The following SORCS2 variants were observed in gnomAD, a reference collection of about 807,000 sequenced individuals.
SORCS2 encodes the protein sortilin related VPS10 domain containing receptor 2.
Under a neutral mutation model 141.6 loss-of-function variants are expected in SORCS2, and 100 were observed. The observed-to-expected ratio is 0.71, with a 90% confidence interval of 0.60 to 0.83. SORCS2 has a LOEUF of 0.83. SORCS2 is among the 40% of genes least tolerant of loss of function. The probability of loss-of-function intolerance (pLI) is 0.00; values close to 1 mark genes in which losing one functional copy is unlikely to be tolerated. For missense variants in SORCS2, 1,646 were observed against 1,560.2 expected (o/e 1.05, Z -0.93); for synonymous variants, 789 against 676.9 (o/e 1.17, Z -2.57).
intron 2 of SORCS2, among the ~76,000 whole-genome samples, chr4:7,411,811 G>C (rs1725340251): frequency 6.6e-6 from 1 of 152,148 alleles, no homozygotes. Context: ...CTACTCCATT[G>C]GAGCAGAGGA....
At chr4:7,614,490 C>T (rs115500077) in intron 3 of SORCS2, among the ~76,000 whole-genome samples, 4,440 of 151,142 alleles carry the variant, frequency 0.029, 113 homozygotes, top group Non-Finnish European at 0.044. Flanking sequence ...ACGCATCCAC[C>T]ATCCATTCAT....
At chr4:7,572,190 G>A (rs1715449167) in intron 3 of SORCS2, among the ~76,000 whole-genome samples, 3 of 152,314 alleles carry the variant, frequency 2.0e-5, no homozygotes, top group Middle Eastern at 3.4e-3. Flanking sequence ...CAAGACAATA[G>A]CACAGGGCGT....
intron 1 of SORCS2, among the ~76,000 whole-genome samples, chr4:7,356,314 A>C (rs1159847746): frequency 6.6e-6 from 1 of 152,222 alleles, no homozygotes; most frequent in African/African-American, 2.4e-5. Flanking sequence ...CTGTAACAGA[A>C]TATCACAGAC....
At chr4:7,590,525 T>A (rs184934350) in intron 3 of SORCS2, among the ~76,000 whole-genome samples, 22 of 152,250 alleles carry the variant, frequency 1.4e-4, no homozygotes, top group Admixed American at 1.0e-3. Flanking sequence ...GGCTGGGACG[T>A]TGGGTGTCAG....
intron 8 of SORCS2, among the ~76,000 whole-genome samples, chr4:7,670,936 C>G (rs1483217005): frequency 6.6e-6 from 1 of 152,226 alleles, no homozygotes; most frequent in Non-Finnish European, 1.5e-5. Context: ...TTGCAACCAC[C>G]ATGAGTTGAA....
chr4:7,599,335 C>T (rs923879908), intron 3 of SORCS2, among the ~76,000 whole-genome samples: 2 of 152,172 alleles, frequency 1.3e-5, no homozygotes, highest in South Asian at 2.1e-4. Context: ...CGGTGATCCA[C>T]GTGCCAGGCA....
In SORCS2 at chr4:7,725,232, T is replaced by G. The variant is rs1560115558; in HGVS notation, c.2690T>G (p.Leu897Arg). 1 of 1,613,656 alleles carries G rather than the reference T, an allele frequency of 6.2e-7. No homozygotes were observed. Among genetic ancestry groups the G allele is most frequent in the Non-Finnish European group, 8.5e-7 (1 of 1,179,672 alleles). Residue 897 changes from leucine to arginine, a missense_variant, in exon 20 of 27, where the codon CTT (leucine) becomes CGT (arginine). By Grantham distance (102) the Leu-to-Arg change is moderately radical. Transcript: ENST00000507866. The stretch of plus-strand genomic sequence containing the variant: ...GAGGTGAACCTCACAGCTGTGCTGC[T>G]TCCCTTGAACCCTAACCTCACCGTC... ...NQEVNLTAVL[L>R]PLNPNLTVFY...
At chr4:7,279,745 C>A (rs1283853480) in intron 1 of SORCS2, among the ~76,000 whole-genome samples, 24 of 152,152 alleles carry the variant, frequency 1.6e-4, no homozygotes, top group Non-Finnish European at 1.5e-5. Flanking sequence ...GCTGTGTTTG[C>A]AGAAACAGAC....
At chr4:7,290,964 C>G (rs1577360559) in intron 1 of SORCS2, among the ~76,000 whole-genome samples, 2 of 152,178 alleles carry the variant, frequency 1.3e-5, no homozygotes, top group East Asian at 3.9e-4. Flanking sequence ...ATTGCCCCAA[C>G]CTGATCACTC....
At chr4:7,381,955 TG>T in intron 1 of SORCS2, 1 of 986,046 alleles carries the variant, frequency 1.0e-6, no homozygotes, top group Non-Finnish European at 1.2e-6. Context: ...CTAGCCTCTC[TG>T]GGCCAGGCCT....
chr4:7,497,150 T>A (rs1731679169), intron 2 of SORCS2, among the ~76,000 whole-genome samples: 1 of 152,208 alleles, frequency 6.6e-6, no homozygotes, highest in African/African-American at 2.4e-5. Flanking sequence ...GCCTCAGGCT[T>A]GAGGATCCGC....
At chr4:7,387,782 A>G (rs1351116402) in intron 1 of SORCS2, among the ~76,000 whole-genome samples, 2 of 150,816 alleles carry the variant, frequency 1.3e-5, no homozygotes, top group Non-Finnish European at 1.5e-5. Flanking sequence ...GCACACACAC[A>G]TAGGTACATG....
In SORCS2 at chr4:7,554,548, C is replaced by A. The variant is rs150917608; in HGVS notation, c.648+22919C>A. Among the ~76,000 whole-genome samples, 489 of 151,572 alleles carry A rather than the reference C, an allele frequency of 3.2e-3. 3 individuals are homozygous for A. Among genetic ancestry groups the A allele is most frequent in the Non-Finnish European group, 5.7e-3 (391 of 68,018 alleles). On this transcript the variant is annotated intron_variant, in intron 3 of 26. Coordinates refer to ENST00000507866, the MANE Select transcript of SORCS2 (RefSeq NM_020777.3). ...ACAGCCCACCATTAGGATATTAAGTCCCCCCATAAATTCAGCAAACACCAT... is the reference window on the plus strand; with the variant it reads ...ACAGCCCACCATTAGGATATTAAGTACCCCCATAAATTCAGCAAACACCAT...
At chr4:7,397,433 C>T (rs1161315400) in intron 2 of SORCS2, among the ~76,000 whole-genome samples, 5 of 151,960 alleles carry the variant, frequency 3.3e-5, no homozygotes, top group African/African-American at 7.3e-5. Context: ...CAGCCGCTCC[C>T]AGCAAAAACG....
chr4:7,449,841 G>A (rs1370100703), intron 2 of SORCS2, among the ~76,000 whole-genome samples: 1 of 152,050 alleles, frequency 6.6e-6, no homozygotes, highest in Non-Finnish European at 1.5e-5. Flanking sequence ...GGGTTCCCAG[G>A]AGCCACCCCG....
chr4:7,591,859 G>A (rs938282715), intron 3 of SORCS2, among the ~76,000 whole-genome samples: 31 of 152,140 alleles, frequency 2.0e-4, no homozygotes, highest in Non-Finnish European at 3.5e-4. Flanking sequence ...TGCGCTCTGC[G>A]GTGTTTGTGC....
rs561729158 is a variant in SORCS2 at position 7,604,434 on chromosome 4, C to T, written c.649-33894C>T. ...CCGGGTTTATGCCATTCTCCTGCCT[C>T]AGCCTCCTGAGTAGCTGGCACTACA... On this transcript the variant is annotated intron_variant, in intron 3 of 26. Transcript: ENST00000507866. Among the ~76,000 whole-genome samples, 319 of 152,324 alleles carry T rather than the reference C, an allele frequency of 2.1e-3. 2 individuals are homozygous for T. The highest frequency in any genetic ancestry group is 7.0e-3 in the African/African-American group (289 of 41,576).
At chr4:7,701,816 G>A (rs1725105893) in intron 12 of SORCS2, among the ~76,000 whole-genome samples, 2 of 152,218 alleles carry the variant, frequency 1.3e-5, no homozygotes, top group African/African-American at 2.4e-5. Context: ...GGGAAGACGG[G>A]CGCAGATGCT....
intron 1 of SORCS2, among the ~76,000 whole-genome samples, chr4:7,259,842 T>G (rs1003686199): frequency 6.6e-6 from 1 of 152,180 alleles, no homozygotes; most frequent in African/African-American, 2.4e-5. Context: ...CTGCTGTGGA[T>G]GAGGTGGAGG....
Sources: gnomAD v4.1 joint callset for allele counts (sites outside exome capture counted in the v4.1 genomes callset) on GRCh38, gnomAD v4.1.1 for gene constraint, MANE v1.5 for transcripts, NCBI Gene and HGNC (gene_info 2026-07-23, HGNC 2026-07-21) for gene names.